The following LARGE1 variants were observed in gnomAD, a reference collection of about 807,000 sequenced individuals.
LARGE1 encodes LARGE xylosyl- and glucuronyltransferase 1, also known as xylosyl- and glucuronyltransferase LARGE1.
Under a neutral mutation model 87.6 loss-of-function variants are expected in LARGE1, and 43 were observed. The ratio of observed to expected loss-of-function variants is 0.49; its 90% CI spans 0.38 to 0.63. The LOEUF is 0.63. Ranked by LOEUF, LARGE1 falls within the 30% of genes least tolerant of loss-of-function variation. LARGE1 has a pLI of 0.00. For synonymous variants in LARGE1, 434 were observed against 394.6 expected, an observed-to-expected ratio of 1.10 and a Z score of -1.18; for missense variants, 802 against 1,000.2, an observed-to-expected ratio of 0.80 and a Z score of 2.67.
intron 1 of LARGE1, among the ~76,000 whole-genome samples, chr22:33,799,111 T>C (rs2086077457): frequency 6.6e-6 from 1 of 152,086 alleles, no homozygotes; most frequent in African/African-American, 2.4e-5. Context: ...AAGTTACTGA[T>C]AGCAGCTTGA....
intron 6 of LARGE1, among the ~76,000 whole-genome samples, chr22:33,452,589 T>A (rs1156831137): frequency 6.6e-6 from 1 of 152,104 alleles, no homozygotes; most frequent in Non-Finnish European, 1.5e-5. Flanking sequence ...TGGGGGGACA[T>A]CTGTTCCTTA....
chr22:33,067,454 T>C, the LARGE1 span, among the ~76,000 whole-genome samples: 95 of 152,298 alleles, frequency 6.2e-4, 1 homozygote, highest in African/African-American at 2.2e-3. Flanking sequence ...TTAATAATAA[T>C]ACACTTGTGC....
rs1304897359 is a variant in LARGE1, at chr22:33,556,518, GGGAGGGAGGGAGGGAGGGAA to G, written c.787+8310_787+8329del. Among the ~76,000 whole-genome samples the G allele has an allele frequency of 1.8e-4, 13 of 73,708 alleles. 1 individual carries two copies. The East Asian group carries it at 1.9e-3, about 11-fold the overall frequency. The allele number at this position is 73,708 out of a possible 152,430, so 48.4% of individuals were successfully genotyped here. On this transcript the variant is annotated intron_variant, in intron 6 of 14. Transcript: ENST00000397394. Reference sequence around the variant, plus strand: ...AAAAGGCAAGGAAAGAAGGAAGGAAGGGAGGGAGGGAGGGAGGGAAGGAGGGAGGGAGGGAGGGAGGGAGG... The same window carrying G: ...AAAAGGCAAGGAAAGAAGGAAGGAAGGGAGGGAGGGAGGGAGGGAGGGAGG...
At chr22:33,788,077 T>G (rs1293541145) in intron 1 of LARGE1, among the ~76,000 whole-genome samples, 1 of 152,172 alleles carries the variant, frequency 6.6e-6, no homozygotes, top group Non-Finnish European at 1.5e-5. Context: ...TTGGTATTAT[T>G]TGTTGGCTGT....
intron 6 of LARGE1, among the ~76,000 whole-genome samples, chr22:33,484,080 C>T (rs967411787): frequency 1.3e-5 from 2 of 152,166 alleles, no homozygotes; most frequent in African/African-American, 4.8e-5. Flanking sequence ...ACACGTGACA[C>T]CTTCTAAAGC....
intron 12 of LARGE1, among the ~76,000 whole-genome samples, chr22:33,295,165 C>T (rs1447839690): frequency 1.3e-5 from 2 of 152,196 alleles, no homozygotes; most frequent in Admixed American, 1.3e-4. Context: ...AGTGGATCAG[C>T]CAGTGGGGGT....
intron 13 of LARGE1, among the ~76,000 whole-genome samples, chr22:33,279,953 A>C (rs1423508671): frequency 6.6e-6 from 1 of 152,224 alleles, no homozygotes; most frequent in African/African-American, 2.4e-5. Flanking sequence ...TGCAGAACAA[A>C]ATGCTTTAAT....
intron 11 of LARGE1, among the ~76,000 whole-genome samples, chr22:33,308,797 C>A (rs922792645): frequency 1.6e-4 from 25 of 152,282 alleles, no homozygotes; most frequent in African/African-American, 6.0e-4. Context: ...GAATCACAAG[C>A]TCATTCCAGT....
chr22:33,381,334 T>C (rs1299588960), intron 9 of LARGE1, among the ~76,000 whole-genome samples: 1 of 152,222 alleles, frequency 6.6e-6, no homozygotes, highest in African/African-American at 2.4e-5. Context: ...CTTCTTCCTC[T>C]TTCTATAGCC....
intron 3 of LARGE1, among the ~76,000 whole-genome samples, chr22:33,640,958 C>T (rs778314915): frequency 6.6e-5 from 10 of 152,164 alleles, no homozygotes; most frequent in Non-Finnish European, 1.5e-4. Context: ...TGAGACAGAG[C>T]ACCTGGGGCA....
chr22:33,086,848 G>A, the LARGE1 span, among the ~76,000 whole-genome samples: 642 of 152,266 alleles, frequency 4.2e-3, 3 homozygotes, highest in African/African-American at 0.014. Flanking sequence ...ACCAAACCCA[G>A]CCCCACTTTT....
chr22:33,631,009 C>A (rs923725232), intron 3 of LARGE1, among the ~76,000 whole-genome samples: 2 of 151,950 alleles, frequency 1.3e-5, no homozygotes, highest in Admixed American at 1.3e-4. Flanking sequence ...CCTGCCACCA[C>A]GCCCGGCTAA....
chr22:33,592,826 T>TTTTG lies in LARGE1; in HGVS notation c.615+11605_615+11608dup, dbSNP rs776523931. On this transcript the variant is annotated intron_variant, in intron 5 of 14. Transcript: ENST00000397394. ...GTGTATATTTTCTTTTTTTTTCTGT[T>TTTTG]TTTGTTTGTTTGTTTGTGTGTGTGT... Among the ~76,000 whole-genome samples, 6 of 147,368 alleles carry TTTTG rather than the reference T, an allele frequency of 4.1e-5. No individual in the cohort carries two copies. In the East Asian group the frequency reaches 1.0e-3, roughly 25 times the overall value.
At chr22:33,123,557 T>C in the LARGE1 span, among the ~76,000 whole-genome samples, 3 of 152,186 alleles carry the variant, frequency 2.0e-5, no homozygotes, top group African/African-American at 4.8e-5. Context: ...TTTCACTTTT[T>C]GCAAAGAAGG....
chr22:33,515,020 G>A (rs1409423040), intron 6 of LARGE1, among the ~76,000 whole-genome samples: 2 of 150,642 alleles, frequency 1.3e-5, no homozygotes, highest in African/African-American at 4.9e-5. Flanking sequence ...TTTTGCTATT[G>A]AAAATAAAAA....
intron 1 of LARGE1, among the ~76,000 whole-genome samples, chr22:33,790,159 T>G (rs986409952): frequency 2.0e-5 from 3 of 152,136 alleles, no homozygotes; most frequent in African/African-American, 7.2e-5. Flanking sequence ...ATAAGTCTTA[T>G]GAGATCTGAG....
chr22:33,650,984 A>T (rs943228999), intron 2 of LARGE1, among the ~76,000 whole-genome samples: 1 of 151,934 alleles, frequency 6.6e-6, no homozygotes, highest in East Asian at 1.9e-4. Flanking sequence ...TCTTAACAAT[A>T]AAGAATTATG....
At chr22:33,820,815 C>G (rs2086794394) in intron 1 of LARGE1, among the ~76,000 whole-genome samples, 1 of 152,162 alleles carries the variant, frequency 6.6e-6, no homozygotes, top group African/African-American at 2.4e-5. Flanking sequence ...CCCTTTTCTT[C>G]TAGTCCTTGT....
intron 11 of LARGE1, among the ~76,000 whole-genome samples, chr22:33,190,726 T>G (rs906475954): frequency 1.3e-5 from 2 of 152,180 alleles, no homozygotes; most frequent in Non-Finnish European, 2.9e-5. Flanking sequence ...CTTCTACTGC[T>G]CTTGGTCTTT....
Sources: allele counts gnomAD v4.1 joint callset (sites outside exome capture counted in the v4.1 genomes callset), GRCh38; gene constraint gnomAD v4.1.1; transcripts MANE v1.5; gene names NCBI Gene and HGNC (gene_info 2026-07-23, HGNC 2026-07-21).